The following ZFHX3 variants were observed in gnomAD, a reference collection of about 807,000 sequenced individuals.
The protein encoded by ZFHX3 is zinc finger homeobox 3, also known as zinc finger homeobox protein 3.
Under a neutral mutation model 279.1 loss-of-function variants are expected in ZFHX3, and 42 were observed. The ratio of observed to expected loss-of-function variants is 0.15; its 90% CI spans 0.12 to 0.19. The LOEUF (loss-of-function observed/expected upper bound fraction) is 0.19, where lower values mean the gene tolerates loss of function less well. ZFHX3 is among the 10% of genes least tolerant of loss of function. ZFHX3 has a pLI of 1.00. For missense variants in ZFHX3, 4,981 were observed against 4,754.0 expected, an observed-to-expected ratio of 1.05 and a Z score of -1.40; for synonymous variants, 2,293 against 1,957.8, an observed-to-expected ratio of 1.17 and a Z score of -4.52.
At chr16:73,014,926 A>C (rs1194114247) in intron 1 of ZFHX3, 1 of 152,028 alleles carries the variant, frequency 6.6e-6, no homozygotes, top group Non-Finnish European at 1.5e-5. Context: ...TCACCCTACC[A>C]AGGGGTTCAC....
At chr16:73,871,677 A>G (rs547274635) in intron 1 of ZFHX3, among the ~76,000 whole-genome samples, 16 of 152,298 alleles carry the variant, frequency 1.1e-4, no homozygotes, top group African/African-American at 3.6e-4. Context: ...GCAAATGTTT[A>G]TCTTTTGCAA....
At chr16:73,427,428 C>T (rs551293684) in intron 3 of ZFHX3, among the ~76,000 whole-genome samples, 1 of 152,306 alleles carries the variant, frequency 6.6e-6, no homozygotes, top group East Asian at 1.9e-4. Flanking sequence ...AGCCTGCCTG[C>T]CACCCAGCTC....
chr16:72,793,233 A>C lies in ZFHX3; in HGVS notation c.9427+22T>G, dbSNP rs759005334. ...CTGGGCAGCTATTTAGCCCTGAAAC[A>C]ATCGCCTAGAGCAGAACCCACCTGT... On this transcript the variant is annotated intron_variant, in intron 9 of 9. Transcript: ENST00000268489. The surrounding 1 kb of genome is among the most constrained non-coding windows in gnomAD (Gnocchi z 4.3). The C allele has an allele frequency of 1.3e-6, 2 of 1,582,012 alleles. No homozygotes were observed. Among genetic ancestry groups the C allele is most frequent in the Non-Finnish European group, 8.6e-7 (1 of 1,164,466 alleles).
chr16:73,543,184 A>G (rs758355900), intron 2 of ZFHX3, among the ~76,000 whole-genome samples: 24 of 152,196 alleles, frequency 1.6e-4, no homozygotes, highest in Admixed American at 9.2e-4. Context: ...TCATTAGAAT[A>G]TTTCTCATCA....
At chr16:73,209,464 C>G (rs937156749) in intron 5 of ZFHX3, among the ~76,000 whole-genome samples, 4 of 152,228 alleles carry the variant, frequency 2.6e-5, no homozygotes, top group Non-Finnish European at 4.4e-5. Context: ...AATGCCGCAT[C>G]CTTTTATAGA....
chr16:73,785,857 C>T (rs1341811071), intron 1 of ZFHX3, among the ~76,000 whole-genome samples: 2 of 152,014 alleles, frequency 1.3e-5, no homozygotes, highest in Non-Finnish European at 2.9e-5. Context: ...TACTTTGTAA[C>T]CATTTCTAAT....
chr16:73,565,117 G>C (rs1252571983), intron 2 of ZFHX3, among the ~76,000 whole-genome samples: 1 of 152,110 alleles, frequency 6.6e-6, no homozygotes, highest in African/African-American at 2.4e-5. Context: ...AGCTGGATGT[G>C]GTGGCACATA....
intron 1 of ZFHX3, among the ~76,000 whole-genome samples, chr16:73,866,935 C>T (rs1962037790): frequency 6.6e-6 from 1 of 152,156 alleles, no homozygotes; most frequent in Non-Finnish European, 1.5e-5. Context: ...TTCTTATCCG[C>T]CAACTCCCTT....
chr16:72,819,038 GTTA>G lies in ZFHX3; in HGVS notation c.3530-7003_3530-7001del, dbSNP rs368322512. ...TTTAAAAATCCAGCAGCTCTTAGTT[GTTA>G]TTATTACGATTTTACTTTTTGTTTG... On this transcript the variant is annotated intron_variant, in intron 5 of 9. Transcript: ENST00000268489. 4.2e-4 allele frequency among the ~76,000 whole-genome samples: 64 copies of G among 152,262 alleles called. No homozygotes were observed. In the South Asian group the frequency reaches 6.4e-3, roughly 15 times the overall value.
upstream of ZFHX3, among the ~76,000 whole-genome samples, chr16:73,064,507 C>A (rs184024647): frequency 6.2e-3 from 947 of 151,820 alleles, 4 homozygotes; most frequent in Admixed American, 0.01. Flanking sequence ...AGGGAACAAG[C>A]CTTTTTTTTT....
At chr16:73,549,127 T>C (rs1316856535) in intron 2 of ZFHX3, among the ~76,000 whole-genome samples, 1 of 152,210 alleles carries the variant, frequency 6.6e-6, no homozygotes, top group Non-Finnish European at 1.5e-5. Context: ...ATACACAGTT[T>C]TGAAAATATT....
At chr16:73,710,736 C>T (rs1192564671) in intron 1 of ZFHX3, among the ~76,000 whole-genome samples, 1 of 152,152 alleles carries the variant, frequency 6.6e-6, no homozygotes, top group African/African-American at 2.4e-5. Flanking sequence ...AGTAACTGGG[C>T]ATCAAACAAG....
intron 5 of ZFHX3, among the ~76,000 whole-genome samples, chr16:73,218,141 C>T (rs983673886): frequency 1.3e-5 from 2 of 152,136 alleles, no homozygotes; most frequent in African/African-American, 2.4e-5. Context: ...GAGCCCAGTA[C>T]ATGGTATGGC....
At chr16:73,296,144 G>T (rs142380446) in intron 4 of ZFHX3, among the ~76,000 whole-genome samples, 1 of 151,850 alleles carries the variant, frequency 6.6e-6, no homozygotes, top group African/African-American at 2.4e-5. Flanking sequence ...TGCATATTCT[G>T]TTTGGAAATA....
At chr16:73,888,767 G>A (rs2030431188) in intron 1 of ZFHX3, among the ~76,000 whole-genome samples, 1 of 152,146 alleles carries the variant, frequency 6.6e-6, no homozygotes, top group African/African-American at 2.4e-5. Context: ...CTGTGATGTG[G>A]GGGCTAAGTG....
intron 5 of ZFHX3, among the ~76,000 whole-genome samples, chr16:73,222,252 A>G (rs1479049273): frequency 2.6e-5 from 4 of 152,136 alleles, no homozygotes; most frequent in African/African-American, 9.6e-5. Flanking sequence ...ACTTAGCTTT[A>G]AAGTATTATT....
chr16:73,371,692 C>CT (rs1205771976), intron 3 of ZFHX3, among the ~76,000 whole-genome samples: 1 of 152,160 alleles, frequency 6.6e-6, no homozygotes. Context: ...AGGAGCTTTC[C>CT]TTTATCATGC....
At chr16:73,164,121 A>G (rs1457480763) in intron 5 of ZFHX3, among the ~76,000 whole-genome samples, 3 of 152,220 alleles carry the variant, frequency 2.0e-5, no homozygotes, top group Non-Finnish European at 4.4e-5. Flanking sequence ...GACTATGTGC[A>G]GCAGATGAAA....
intron 5 of ZFHX3, among the ~76,000 whole-genome samples, chr16:73,163,048 G>C (rs1351054817): frequency 6.6e-6 from 1 of 152,176 alleles, no homozygotes; most frequent in African/African-American, 2.4e-5. Context: ...GTGATTGGTA[G>C]GCAGCATTTT....
Sources: gnomAD v4.1 joint callset for allele counts (sites outside exome capture counted in the v4.1 genomes callset) on GRCh38, gnomAD v4.1.1 for gene constraint, Gnocchi (gnomAD v3.1) non-coding constraint, MANE v1.5 for transcripts, NCBI Gene and HGNC (gene_info 2026-07-23, HGNC 2026-07-21) for gene names.